The following CYLC2 variants were observed in gnomAD, a reference collection of about 807,000 sequenced individuals.
CYLC2 encodes cylicin-2.
In CYLC2, 30 loss-of-function variants were observed where a neutral mutation model predicts 26.1. The observed-to-expected ratio is 1.15, with a 90% confidence interval of 0.86 to 1.56. The LOEUF (loss-of-function observed/expected upper bound fraction) is 1.56, where lower values mean the gene tolerates loss of function less well. CYLC2 is among the 40% of genes most tolerant of loss of function. CYLC2 has a pLI of 0.00. For synonymous variants in CYLC2, 158 were observed against 132.8 expected (o/e 1.19, Z -1.31); for missense variants, 498 against 394.4 (o/e 1.26, Z -2.23).
rs1230119474 is a variant in CYLC2 at position 103,005,074 on chromosome 9, A to C, written c.443A>C (p.Glu148Ala). The change falls in exon 5 of 8, where the codon GAG becomes GCG. Residue 148 changes from glutamate to alanine, a missense_variant. Glu to Ala is a moderately radical substitution (Grantham distance 107, BLOSUM62 -1). Coordinates refer to ENST00000374798, the MANE Select transcript of CYLC2 (RefSeq NM_001340.5). ...GATTCAAAGAAAGGCAAGGATATAGAGAAAGGAAAAGAAGAAAAGCTAGAT... is the reference window on the plus strand; with the variant it reads ...GATTCAAAGAAAGGCAAGGATATAGCGAAAGGAAAAGAAGAAAAGCTAGAT... ...KKDSKKGKDI[E>A]KGKEEKLDAK... 2 of 1,605,868 alleles carry C rather than the reference A, an allele frequency of 1.2e-6. No homozygotes were observed. The highest frequency in any genetic ancestry group is 1.7e-6 in the Non-Finnish European group (2 of 1,177,230).
intron 1 of CYLC2, among the ~76,000 whole-genome samples, chr9:102,999,101 C>A (rs1454300347): frequency 6.6e-6 from 1 of 151,692 alleles, no homozygotes; most frequent in Non-Finnish European, 1.5e-5. Context: ...TTTCTGTGGA[C>A]TTTTGTTTTC....
Position 103,013,251 on chromosome 9 carries a change from T to G in CYLC2, c.*816+1154T>G, listed in dbSNP as rs1195485133. Among the ~76,000 whole-genome samples, 3 of 105,212 alleles carry G rather than the reference T, an allele frequency of 2.9e-5. No individual in the cohort carries two copies. In the Admixed American group the frequency reaches 3.7e-4, roughly 13 times the overall value. 69.0% of individuals were successfully genotyped at this position (105,212 alleles called of 152,430 possible). A position where few individuals can be genotyped will look rare whatever the true frequency, so the allele number is the denominator to read the frequency against. On this transcript the variant is annotated intron_variant, in intron 6 of 7. Transcript: ENST00000374798. ...TATAAACATATAACATGTAAATATA[T>G]ATTTAATGTGTTATATATATTATAT... is the stretch of plus-strand genomic sequence containing the variant.
In CYLC2 at chr9:103,003,128, C is replaced by T. The variant is rs926687711; in HGVS notation, c.59-14C>T. The T allele has an allele frequency of 5.0e-6, 8 of 1,610,726 alleles. No individual in the cohort carries two copies. The highest frequency in any genetic ancestry group is 5.1e-6 in the Non-Finnish European group (6 of 1,178,820). Reference sequence around the variant, plus strand: ...ATTCACTCCAAAATGTGTTTTTTGTCTCCCTTATTTTAGTCAGTGAATTAA... The same window carrying T: ...ATTCACTCCAAAATGTGTTTTTTGTTTCCCTTATTTTAGTCAGTGAATTAA... On this transcript the variant is annotated splice_polypyrimidine_tract_variant and intron_variant, in intron 2 of 7. Coordinates refer to ENST00000374798, the MANE Select transcript of CYLC2 (RefSeq NM_001340.5).
intron 6 of CYLC2, among the ~76,000 whole-genome samples, chr9:103,014,763 ATACG>A (rs1564101377): frequency 1.8e-4 from 3 of 16,364 alleles, no homozygotes; most frequent in African/African-American, 6.0e-4. Context: ...CATATGTAAT[ATACG>A]TATGTATATT....
chr9:103,001,275 T>G (rs1280090643), intron 1 of CYLC2, among the ~76,000 whole-genome samples: 1 of 64,830 alleles, frequency 1.5e-5, no homozygotes, highest in Non-Finnish European at 3.0e-5. Context: ...ATGTGCAATT[T>G]GCTTATACAC....
At chr9:103,009,437 C>T (rs1268618069) in intron 5 of CYLC2, among the ~76,000 whole-genome samples, 2 of 152,028 alleles carry the variant, frequency 1.3e-5, no homozygotes, top group East Asian at 3.9e-4. Flanking sequence ...CTCCTGGGCT[C>T]AAGCAATCCA....
At chr9:103,006,534 C>A (rs774926587) in intron 5 of CYLC2, among the ~76,000 whole-genome samples, 156 bp downstream of exon 5, 2 of 149,996 alleles carry the variant, frequency 1.3e-5, no homozygotes, top group Admixed American at 6.7e-5. Context: ...CTTCCTCAGC[C>A]TCCCAAGTAG....
Position 103,005,279 on chromosome 9 carries a change from T to C in CYLC2, c.648T>C (p.Asp216=), listed in dbSNP as rs779686121. ...GTGAAAAAGGAGGTACAGAGAAAGA[T>C]AGCAAAAAAGGTAAAAAGGATTCAA... ...SEGEKGGTEK[D]SKKGKKDSKK... Residue 216 remains aspartate, a synonymous_variant, in exon 5 of 8, where the codon GAT becomes GAC. Transcript: ENST00000374798. The C allele has an allele frequency of 2.9e-5, 46 of 1,612,286 alleles. No individual in the cohort carries two copies. The highest frequency in any genetic ancestry group is 5.0e-5 in the Admixed American group (3 of 59,764).
intron 4 of CYLC2, 42 bp downstream of exon 4, chr9:103,004,893 C>A (rs767409238): frequency 3.8e-6 from 6 of 1,579,816 alleles, no homozygotes; most frequent in Non-Finnish European, 5.1e-6. Context: ...CTGTAATTTT[C>A]TGATTAGATT....
intron 5 of CYLC2, among the ~76,000 whole-genome samples, chr9:103,006,774 C>T (rs1829356197): frequency 6.6e-6 from 1 of 151,822 alleles, no homozygotes; most frequent in African/African-American, 2.4e-5. Context: ...TTTGAGGGTA[C>T]ATAGTAGATT....
At chr9:103,013,282 A>C (rs1434078940) in intron 6 of CYLC2, among the ~76,000 whole-genome samples, 2 of 108,718 alleles carry the variant, frequency 1.8e-5, no homozygotes, top group Admixed American at 1.2e-4. Context: ...TATATATAAC[A>C]CATTAAATAT....
chr9:103,011,643 C>A (rs1167291120), intron 5 of CYLC2, among the ~76,000 whole-genome samples: 3 of 151,962 alleles, frequency 2.0e-5, no homozygotes, highest in Admixed American at 6.6e-5. Context: ...CAAGAGATGG[C>A]AAAATCCAAA....
intron 1 of CYLC2, among the ~76,000 whole-genome samples, chr9:102,995,934 C>A (rs1007889274): frequency 1.3e-5 from 2 of 151,682 alleles, no homozygotes; most frequent in Non-Finnish European, 2.9e-5. Context: ...AGCATATAAT[C>A]CAGACATGAG....
intron 6 of CYLC2, among the ~76,000 whole-genome samples, chr9:103,015,086 TAAC>T: frequency 1.2e-5 from 1 of 85,688 alleles, no homozygotes; most frequent in South Asian, 4.0e-4. Flanking sequence ...GTAATATACA[TAAC>T]ATGTATATCA....
In CYLC2 at chr9:103,010,133, C is replaced by T. The variant is rs543469691; in HGVS notation, c.*701-1849C>T. 9.2e-5 allele frequency among the ~76,000 whole-genome samples: 14 copies of T among 151,836 alleles called. No homozygotes were observed. In the South Asian group the frequency reaches 2.9e-3, roughly 32 times the overall value. On this transcript the variant is annotated intron_variant, in intron 5 of 7. Transcript: ENST00000374798. The stretch of plus-strand genomic sequence containing the variant: ...AACTTATTTTCATGAGAAATCAATA[C>T]AATCAATTTTAAACAAATAAGAATT...
At position 103,015,909 on chromosome 9, in the gene CYLC2, T is replaced by C. The variant is rs1829500068; in HGVS notation, c.*817-979T>C. ...GACAGAAGCTAATCTCAACTTCTAA[T>C]TCCCATTAAGGCTCAGGTCTGGAAA... On this transcript the variant is annotated intron_variant, in intron 6 of 7. Transcript: ENST00000374798. Among the ~76,000 whole-genome samples the C allele has an allele frequency of 2.0e-5, 3 of 150,126 alleles. No individual in the cohort carries two copies. In the Admixed American group the frequency reaches 2.0e-4, roughly 10 times the overall value.
At chr9:102,995,902 G>A (rs887871622) in intron 1 of CYLC2, among the ~76,000 whole-genome samples, 1 of 151,846 alleles carries the variant, frequency 6.6e-6, no homozygotes, top group Non-Finnish European at 1.5e-5. Flanking sequence ...TATTGAGTAT[G>A]TGGAAGTACT....
chr9:103,006,427 T>C (rs1424512646), intron 5 of CYLC2, 49 bp downstream of exon 5: 1 of 21,618 alleles, frequency 4.6e-5, no homozygotes, highest in Non-Finnish European at 1.1e-4. Flanking sequence ...ATTTATTTAT[T>C]TTTTGAGATG....
chr9:103,014,377 T>A (rs902321279), intron 6 of CYLC2, among the ~76,000 whole-genome samples: 1 of 135,566 alleles, frequency 7.4e-6, no homozygotes, highest in African/African-American at 2.7e-5. Flanking sequence ...ATACATTATG[T>A]ATATTACGTA....
Sources: gnomAD v4.1 joint callset for allele counts (sites outside exome capture counted in the v4.1 genomes callset) on GRCh38, gnomAD v4.1.1 for gene constraint, MANE v1.5 for transcripts, NCBI Gene and HGNC (gene_info 2026-07-23, HGNC 2026-07-21) for gene names.